RGS6: variants seen among roughly 807,000 people sequenced by gnomAD.
RGS6 encodes regulator of G protein signaling 6.
Under a neutral mutation model 78.5 loss-of-function variants are expected in RGS6, and 30 were observed. The ratio of observed to expected loss-of-function variants is 0.38; its 90% CI spans 0.29 to 0.52. The LOEUF is 0.52. Ranked by LOEUF, RGS6 falls within the 20% of genes least tolerant of loss-of-function variation. RGS6 has a pLI of 0.85. For synonymous variants in RGS6, 206 were observed against 206.0 expected (o/e 1.00, Z 0.00); for missense variants, 495 against 609.7 (o/e 0.81, Z 1.98).
At chr14:72,046,288 C>T (rs192964251) in intron 2 of RGS6, among the ~76,000 whole-genome samples, 39 of 150,652 alleles carry the variant, frequency 2.6e-4, no homozygotes, top group Admixed American at 8.6e-4. Context: ...CACATACACA[C>T]ACCTCTCATT....
intron 3 of RGS6, among the ~76,000 whole-genome samples, chr14:72,410,046 C>T (rs2093286453): frequency 6.6e-6 from 1 of 152,172 alleles, no homozygotes; most frequent in South Asian, 2.1e-4. Flanking sequence ...GTCTTTATAG[C>T]AGCATGATTT....
At chr14:72,348,134 G>T (rs8008045) in intron 2 of RGS6, among the ~76,000 whole-genome samples, 21,836 of 151,682 alleles carry the variant, frequency 0.14, 1,514 homozygotes, top group East Asian at 0.18. Context: ...TTACCTTCCA[G>T]GAGCTGCCCC....
At chr14:72,254,854 C>G (rs2056721413) in intron 2 of RGS6, among the ~76,000 whole-genome samples, 1 of 152,196 alleles carries the variant, frequency 6.6e-6, no homozygotes, top group African/African-American at 2.4e-5. Flanking sequence ...GTGGCTCATG[C>G]TTTCCATACA....
chr14:72,278,616 A>G (rs2061075547), intron 2 of RGS6, among the ~76,000 whole-genome samples: 1 of 152,222 alleles, frequency 6.6e-6, no homozygotes, highest in South Asian at 2.1e-4. Context: ...ACATTTATAT[A>G]TGTTTTATAT....
intron 2 of RGS6, among the ~76,000 whole-genome samples, chr14:72,068,616 C>G (rs974633801): frequency 6.6e-6 from 1 of 151,282 alleles, no homozygotes; most frequent in African/African-American, 2.4e-5. Context: ...TCTGCCTCAG[C>G]CTCCTGAGTA....
chr14:72,313,910 T>C (rs1204374654), intron 2 of RGS6, among the ~76,000 whole-genome samples: 5 of 152,234 alleles, frequency 3.3e-5, no homozygotes, highest in Non-Finnish European at 7.3e-5. Context: ...AATCACCTCA[T>C]TTACTTTTCC....
chr14:72,596,753 C>T, the RGS6 span, among the ~76,000 whole-genome samples: 1 of 152,188 alleles, frequency 6.6e-6, no homozygotes, highest in Non-Finnish European at 1.5e-5. Flanking sequence ...TCGTATCTTA[C>T]ATCTTCAGCT....
intron 3 of RGS6, among the ~76,000 whole-genome samples, chr14:72,359,113 G>GT (rs1333721807): frequency 6.6e-6 from 1 of 152,150 alleles, no homozygotes; most frequent in Non-Finnish European, 1.5e-5. Context: ...TGCCATGATT[G>GT]TAAGTTTACT....
At chr14:72,541,495 G>A (rs1567089295) in intron 17 of RGS6, 4 of 1,535,712 alleles carry the variant, frequency 2.6e-6, no homozygotes, top group Non-Finnish European at 3.5e-6. Flanking sequence ...AGGCCTGCGG[G>A]TGCCTGGTCT....
chr14:72,206,738 ACCCATC>A lies in RGS6; in HGVS notation c.85-145354_85-145349del, dbSNP rs150038360. ...CTATCATGAGAACAATGCAGGAAAG[ACCCATC>A]CCATAATTCAATCATCTCCCACTGG... is the stretch of plus-strand genomic sequence containing the variant. On this transcript the variant is annotated intron_variant, in intron 2 of 17. Coordinates refer to ENST00000553525, the MANE Select transcript of RGS6 (RefSeq NM_001204424.2). 5.4e-3 allele frequency among the ~76,000 whole-genome samples: 822 copies of A among 152,138 alleles called. 2 individuals carry two copies. Among genetic ancestry groups the A allele is most frequent in the Non-Finnish European group, 9.4e-3 (639 of 68,000 alleles).
At chr14:72,585,879 A>G in the RGS6 span, among the ~76,000 whole-genome samples, 1 of 152,164 alleles carries the variant, frequency 6.6e-6, no homozygotes, top group African/African-American at 2.4e-5. Flanking sequence ...TCAGGTCTCA[A>G]AACTTCTCAC....
chr14:71,932,465 G>A lies in RGS6; in HGVS notation c.-497G>A, dbSNP rs982471150. On this transcript the variant is annotated 5_prime_UTR_variant, in exon 1 of 18. Coordinates refer to ENST00000553525, the MANE Select transcript of RGS6 (RefSeq NM_001204424.2). Reference sequence around the variant, plus strand: ...CGAGTTGGGGCAGCTCCTCGCGCTCGGCCCTGCTCGGCGGCGAGAGCTCCG... The same window carrying A: ...CGAGTTGGGGCAGCTCCTCGCGCTCAGCCCTGCTCGGCGGCGAGAGCTCCG... 6.6e-6 allele frequency: 1 copy of A among 151,696 alleles called. No homozygotes were observed. Among genetic ancestry groups the A allele is most frequent in the Non-Finnish European group, 1.5e-5 (1 of 67,834 alleles). 9.4% of individuals were successfully genotyped at this position (151,696 alleles called of 1,614,324 possible).
the RGS6 span, among the ~76,000 whole-genome samples, chr14:71,890,366 G>GAGAGAA: frequency 6.9e-6 from 1 of 144,122 alleles, no homozygotes; most frequent in Admixed American, 6.7e-5. Context: ...GACAGAGAGA[G>GAGAGAA]AGAGAGAGAG....
intron 2 of RGS6, among the ~76,000 whole-genome samples, chr14:72,155,302 G>C (rs1250713754): frequency 6.6e-6 from 1 of 152,232 alleles, no homozygotes; most frequent in Non-Finnish European, 1.5e-5. Context: ...CTGCGGAGCA[G>C]AACAGTGGCC....
At chr14:71,882,331 G>A in the RGS6 span, among the ~76,000 whole-genome samples, 46,309 of 151,892 alleles carry the variant, frequency 0.3, 7,391 homozygotes, top group South Asian at 0.42. Flanking sequence ...TGTGTATATC[G>A]CATTTGGTTT....
At chr14:72,541,152 G>C (rs1598904102) in intron 17 of RGS6, 1 of 1,375,114 alleles carries the variant, frequency 7.3e-7, no homozygotes, top group Non-Finnish European at 9.6e-7. Flanking sequence ...CCTTCCCAAA[G>C]GGTGGCAGCC....
At chr14:72,161,039 C>T (rs748284593) in intron 2 of RGS6, among the ~76,000 whole-genome samples, 12 of 152,204 alleles carry the variant, frequency 7.9e-5, no homozygotes, top group Non-Finnish European at 2.9e-5. Context: ...GGCACATATA[C>T]ACCATGGAAT....
intron 1 of RGS6, among the ~76,000 whole-genome samples, chr14:71,943,829 G>A (rs1480205279): frequency 1.3e-5 from 2 of 152,220 alleles, no homozygotes; most frequent in Non-Finnish European, 2.9e-5. Flanking sequence ...TTATTGAGTT[G>A]CAGAGTGACA....
At chr14:71,873,999 A>G in the RGS6 span, among the ~76,000 whole-genome samples, 2 of 152,172 alleles carry the variant, frequency 1.3e-5, no homozygotes, top group Admixed American at 1.3e-4. Context: ...CCATTGGTCT[A>G]TATCTCTGTT....
Sources: gnomAD v4.1 joint callset for allele counts (sites outside exome capture counted in the v4.1 genomes callset) on GRCh38, gnomAD v4.1.1 for gene constraint, MANE v1.5 for transcripts, NCBI Gene and HGNC (gene_info 2026-07-23, HGNC 2026-07-21) for gene names.